Variants in ATRN observed in about 807,000 individuals in gnomAD.
ATRN encodes the protein attractin-2.
Under a neutral mutation model 178.7 loss-of-function variants are expected in ATRN, and 54 were observed. The observed-to-expected ratio is 0.30, with a 90% CI of 0.24 to 0.38. ATRN has a LOEUF of 0.38. ATRN is among the 10% of genes least tolerant of loss of function. The pLI is 1.00. For synonymous variants in ATRN, 636 were observed against 663.0 expected, an observed-to-expected ratio of 0.96 and a Z score of 0.63; for missense variants, 1,443 against 1,815.1, an observed-to-expected ratio of 0.79 and a Z score of 3.73.
At chr20:3,579,186 C>T (rs1026726084) in intron 15 of ATRN, among the ~76,000 whole-genome samples, 45 of 152,084 alleles carry the variant, frequency 3.0e-4, no homozygotes, top group African/African-American at 1.0e-3. Context: ...ATAATTACCA[C>T]TAAGAAGTGT....
At chr20:3,491,698 T>TA (rs2084796174) in intron 1 of ATRN, among the ~76,000 whole-genome samples, 1 of 152,250 alleles carries the variant, frequency 6.6e-6, no homozygotes, top group Non-Finnish European at 1.5e-5. Context: ...CCACTCAGGC[T>TA]AGAAACCTGG....
At chr20:3,488,744 A>G (rs1433666067) in intron 1 of ATRN, among the ~76,000 whole-genome samples, 4 of 152,226 alleles carry the variant, frequency 2.6e-5, no homozygotes, top group African/African-American at 9.6e-5. Context: ...CATTTTTGAC[A>G]AGAAGAATAT....
chr20:3,641,590 C>CAAAAAAA (rs61692220), intron 27 of ATRN, among the ~76,000 whole-genome samples: 10 of 47,814 alleles, frequency 2.1e-4, no homozygotes, highest in East Asian at 5.8e-4. Flanking sequence ...GACTCTGTCG[C>CAAAAAAA]AAAAAAAAAA....
In ATRN at chr20:3,571,536, A is replaced by G. The variant is rs533289885; in HGVS notation, c.1872-1195A>G. Among the ~76,000 whole-genome samples the G allele has an allele frequency of 2.7e-5, 4 of 148,154 alleles. 1 individual carries two copies. Among genetic ancestry groups the G allele is most frequent in the East Asian group, 4.0e-4 (2 of 4,960 alleles). On this transcript the variant is annotated intron_variant, in intron 11 of 28. Coordinates refer to ENST00000262919, the MANE Select transcript of ATRN (RefSeq NM_139321.3). Reference sequence around the variant, plus strand: ...TGCCTTTTGCCCCATAGTCTCACCAATCCATATATTGTCAATTTTTTGTGC... The same window carrying G: ...TGCCTTTTGCCCCATAGTCTCACCAGTCCATATATTGTCAATTTTTTGTGC...
intron 1 of ATRN, among the ~76,000 whole-genome samples, chr20:3,516,443 ACT>A (rs1406928764): frequency 6.6e-6 from 1 of 152,170 alleles, no homozygotes; most frequent in African/African-American, 2.4e-5. Context: ...GAGAAAAAAC[ACT>A]GTCATTTAAA....
Position 3,648,355 on chromosome 20 carries a change from C to G in ATRN, c.*1508C>G, listed in dbSNP as rs1158018612. ...CCTGCTCCTCTCCCAGAGGGCACTG[C>G]TTGGAAATTGTGTTTTCCCCATTTA... On this transcript the variant is annotated 3_prime_UTR_variant, in exon 29 of 29. Coordinates refer to ENST00000262919, the MANE Select transcript of ATRN (RefSeq NM_139321.3). The G allele has an allele frequency of 2.6e-5, 4 of 152,630 alleles. No individual in the cohort carries two copies. In the East Asian group the frequency reaches 7.7e-4, roughly 29 times the overall value. The allele number at this position is 152,630 out of a possible 1,614,324, so 9.5% of individuals were successfully genotyped here. A position where few individuals can be genotyped will look rare whatever the true frequency, so the allele number is the denominator to read the frequency against.
At chr20:3,520,821 T>C (rs2085284589) in intron 1 of ATRN, among the ~76,000 whole-genome samples, 1 of 151,710 alleles carries the variant, frequency 6.6e-6, no homozygotes, top group South Asian at 2.1e-4. Context: ...ATCACACTAG[T>C]AAAATAAGGA....
intron 1 of ATRN, among the ~76,000 whole-genome samples, chr20:3,474,175 T>G (rs1311552130): frequency 3.3e-5 from 5 of 152,114 alleles, no homozygotes; most frequent in African/African-American, 1.2e-4. Flanking sequence ...AAGAGCTACT[T>G]GTTGCAGGGA....
intron 26 of ATRN, among the ~76,000 whole-genome samples, chr20:3,637,101 A>G (rs2087031217): frequency 6.6e-6 from 1 of 152,196 alleles, no homozygotes; most frequent in Non-Finnish European, 1.5e-5. Flanking sequence ...AAATATATAT[A>G]TGTGTTTAGT....
At chr20:3,492,854 G>GGTGC (rs2084817139) in intron 1 of ATRN, among the ~76,000 whole-genome samples, 1 of 132,434 alleles carries the variant, frequency 7.6e-6, no homozygotes, top group African/African-American at 3.0e-5. Flanking sequence ...GAGAGAGAGA[G>GGTGC]GCGCGCGCGC....
chr20:3,576,746 T>C, intron 13 of ATRN, 113 bp from the exon 14 acceptor site: 1 of 941,236 alleles, frequency 1.1e-6, no homozygotes, highest in South Asian at 1.6e-5. Context: ...TCTATCTATT[T>C]ATTTGCAGTT....
intron 17 of ATRN, 57 bp from the exon 18 acceptor site, chr20:3,584,586 GTAAA>G (rs2086329795): frequency 8.1e-7 from 1 of 1,227,278 alleles, no homozygotes; most frequent in Non-Finnish European, 1.1e-6. Flanking sequence ...TAAAAAAAAA[GTAAA>G]TACAGTGAAT....
At position 3,582,358 on chromosome 20, in the gene ATRN, A is replaced by G. The variant is rs1051687800; in HGVS notation, c.2764+4A>G. 27 of 1,611,570 alleles carry G rather than the reference A, an allele frequency of 1.7e-5. No individual in the cohort carries two copies. The highest frequency in any genetic ancestry group is 2.1e-5 in the Non-Finnish European group (25 of 1,179,554). On this transcript the variant is annotated splice_donor_region_variant and intron_variant, in intron 16 of 28. Coordinates refer to ENST00000262919, the MANE Select transcript of ATRN (RefSeq NM_139321.3). Reference sequence around the variant, plus strand: ...GGTAGTGTCTGTGAAAGGCCTGGTAAGTTCACAGGTGAATTAGGTGGTATT... The same window carrying G: ...GGTAGTGTCTGTGAAAGGCCTGGTAGGTTCACAGGTGAATTAGGTGGTATT...
Position 3,596,358 on chromosome 20 carries a change from A to G in ATRN, c.3417-19A>G. 6.2e-7 allele frequency: 1 copy of G among 1,606,946 alleles called. No homozygotes were observed. Among genetic ancestry groups the G allele is most frequent in the Non-Finnish European group, 8.5e-7 (1 of 1,173,584 alleles). ...TCTGTTTTAAATAGCAGTATAAAATAGTCTTTTTTCCCCCCCAGATGTGAG... is the reference window on the plus strand; with the variant it reads ...TCTGTTTTAAATAGCAGTATAAAATGGTCTTTTTTCCCCCCCAGATGTGAG... On this transcript the variant is annotated intron_variant, in intron 20 of 28. Coordinates refer to ENST00000262919, the MANE Select transcript of ATRN (RefSeq NM_139321.3).
At chr20:3,577,818 A>G (rs1001781545) in intron 14 of ATRN, among the ~76,000 whole-genome samples, 3 of 152,144 alleles carry the variant, frequency 2.0e-5, no homozygotes, top group African/African-American at 7.2e-5. Context: ...CACTGTGAGG[A>G]GCAAGTCTTT....
intron 1 of ATRN, among the ~76,000 whole-genome samples, chr20:3,483,318 C>T (rs144551240): frequency 2.4e-4 from 36 of 152,196 alleles, no homozygotes; most frequent in South Asian, 8.3e-4. Context: ...TAGAGTTTTC[C>T]AACTTTTGCT....
rs752100899 is a variant in ATRN, at chr20:3,584,630, C to CTT, written c.2951-7_2951-6dup. ...ATCTACCTGTGATAGTCAATTGCAACTTTTTTTTTTTAATAGCTGAAAATT... is the reference window on the plus strand; with the variant it reads ...ATCTACCTGTGATAGTCAATTGCAACTTTTTTTTTTTTTAATAGCTGAAAATT... On this transcript the variant is annotated splice_polypyrimidine_tract_variant and intron_variant, in intron 17 of 28. Transcript: ENST00000262919. 5.3e-5 allele frequency: 63 copies of CTT among 1,184,040 alleles called. No individual in the cohort carries two copies. The highest frequency in any genetic ancestry group is 1.1e-4 in the Admixed American group (5 of 46,596). 73.3% of individuals were successfully genotyped at this position (1,184,040 alleles called of 1,614,324 possible). A position where few individuals can be genotyped will look rare whatever the true frequency, so the allele number is the denominator to read the frequency against.
chr20:3,555,677 C>T (rs963680349), intron 6 of ATRN, among the ~76,000 whole-genome samples: 1 of 152,148 alleles, frequency 6.6e-6, no homozygotes, highest in Non-Finnish European at 1.5e-5. Context: ...AATACCAGCC[C>T]TCACACTAAA....
At position 3,492,863 on chromosome 20, in the gene ATRN, GCGCGTGCGCA is replaced by G. The variant is rs1341638245; in HGVS notation, c.410+21350_410+21359del. 2.0e-3 allele frequency among the ~76,000 whole-genome samples: 247 copies of G among 123,488 alleles called. 1 individual carries two copies. The highest frequency in any genetic ancestry group is 8.6e-3 in the African/African-American group (237 of 27,548). The allele number at this position is 123,488 out of a possible 152,430, so 81.0% of individuals were successfully genotyped here. A position where few individuals can be genotyped will look rare whatever the true frequency, so the allele number is the denominator to read the frequency against. Reference sequence around the variant, plus strand: ...GAGAGAGAGAGAGAGAGGCGCGCGCGCGCGTGCGCACGCACACACACACACACACACACAT... The same window carrying G: ...GAGAGAGAGAGAGAGAGGCGCGCGCGCGCACACACACACACACACACACAT... On this transcript the variant is annotated intron_variant, in intron 1 of 28. Transcript: ENST00000262919.
Sources: allele counts gnomAD v4.1 joint callset (sites outside exome capture counted in the v4.1 genomes callset), GRCh38; gene constraint gnomAD v4.1.1; transcripts MANE v1.5; gene names NCBI Gene and HGNC (gene_info 2026-07-23, HGNC 2026-07-21).